WDR20: variants seen among roughly 807,000 people sequenced by gnomAD.
The protein encoded by WDR20 is WD repeat domain 20, also known as WD repeat-containing protein 20.
WDR20 carries 3 observed loss-of-function variants against 38.7 expected under a neutral mutation model. That is an observed-to-expected ratio of 0.08 (90% CI 0.04 to 0.20). WDR20 has a LOEUF of 0.20. WDR20 is among the 10% of genes least tolerant of loss of function. WDR20 has a pLI of 1.00. For missense variants in WDR20, 559 were observed against 727.7 expected, an observed-to-expected ratio of 0.77 and a Z score of 2.67; for synonymous variants, 298 against 285.6, an observed-to-expected ratio of 1.04 and a Z score of -0.44.
At chr14:102,159,997 G>A (rs1359412166) in intron 1 of WDR20, among the ~76,000 whole-genome samples, 1 of 152,220 alleles carries the variant, frequency 6.6e-6, no homozygotes, top group Admixed American at 6.5e-5. Context: ...CCTGCTACTT[G>A]GGAGGCTGAG....
At chr14:102,164,739 CCTT>C (rs768532875) in intron 1 of WDR20, among the ~76,000 whole-genome samples, 19 of 152,186 alleles carry the variant, frequency 1.2e-4, no homozygotes, top group Non-Finnish European at 2.6e-4. Context: ...TACTTCACCT[CCTT>C]TGCTAGTTCT....
intron 2 of WDR20, chr14:102,198,336 T>G (rs2059762120): frequency 3.3e-6 from 1 of 298,564 alleles, no homozygotes; most frequent in Non-Finnish European, 6.7e-6. Context: ...CAGGCTAGTC[T>G]GGAACTCCTG....
At chr14:102,199,546 A>G (rs1252974424) in intron 2 of WDR20, among the ~76,000 whole-genome samples, 1 of 152,136 alleles carries the variant, frequency 6.6e-6, no homozygotes, top group African/African-American at 2.4e-5. Flanking sequence ...GCTGGTCACA[A>G]TTACAGCAAT....
chr14:102,147,844 C>T (rs542788992), intron 1 of WDR20, among the ~76,000 whole-genome samples: 2 of 152,304 alleles, frequency 1.3e-5, no homozygotes, highest in African/African-American at 4.8e-5. Context: ...CATTCGCAGG[C>T]CTCAGCCTCC....
chr14:102,223,001 C>A, exon 4 of WDR20: 3 of 1,252,464 alleles, frequency 2.4e-6, no homozygotes, highest in South Asian at 2.5e-5. Context: ...TGGACGTCGG[C>A]GATAGCCGTG....
At chr14:102,200,359 GTCC>G (rs2060087038) in intron 2 of WDR20, among the ~76,000 whole-genome samples, 1 of 152,160 alleles carries the variant, frequency 6.6e-6, no homozygotes, top group South Asian at 2.1e-4. Flanking sequence ...CGTGGAGCGT[GTCC>G]TCATCATCAG....
rs115317754 is a variant in WDR20 at position 102,189,292 on chromosome 14, G to A, written c.250-5646G>A. On this transcript the variant is annotated intron_variant, in intron 1 of 2. Transcript: ENST00000342702. ...ATTTAAAAATGTTTACTTACTGATC[G>A]AGGCTTTGGTAACTAGTTGTTTCTT... 4.6e-3 allele frequency among the ~76,000 whole-genome samples: 694 copies of A among 152,250 alleles called. 6 individuals are homozygous for A. Among genetic ancestry groups the A allele is most frequent in the African/African-American group, 0.015 (642 of 41,538 alleles).
At chr14:102,153,231 T>C (rs115271821) in intron 1 of WDR20, among the ~76,000 whole-genome samples, 2,065 of 151,956 alleles carry the variant, frequency 0.014, 55 homozygotes, top group African/African-American at 0.047. Flanking sequence ...TCTTGAGGCC[T>C]CACTAGAAGC....
chr14:102,209,772 G>A lies in WDR20; in HGVS notation c.1602G>A (p.Glu534=), dbSNP rs1445222010. Residue 534 remains glutamate (E), a synonymous_variant, in exon 3 of 3, where the codon GAG becomes GAA. Transcript: ENST00000342702. This position sits in a 1 kb window ranked among gnomAD's most constrained non-coding sequence, Gnocchi z 6.0. ...EPLICKKIAH[E]RLTVLIFLED... ...TGATATGTAAAAAGATAGCACATGA[G>A]AGACTGACTGTACTAATATTTCTTG... is the stretch of plus-strand genomic sequence containing the variant. The A allele has an allele frequency of 6.2e-7, 1 of 1,613,966 alleles. No homozygotes were observed. Among genetic ancestry groups the A allele is most frequent in the Non-Finnish European group, 8.5e-7 (1 of 1,180,040 alleles).
chr14:102,208,953 C>T lies in WDR20; in HGVS notation c.783C>T (p.Tyr261=), dbSNP rs1405310587. The change falls in exon 3 of 3, where the codon TAC becomes TAT. Residue 261 remains tyrosine (Y), a synonymous_variant. Transcript: ENST00000342702. The surrounding 1 kb of genome is among the most constrained non-coding windows in gnomAD (Gnocchi z 5.6). ...SVELHGTMKS[Y]FGGLLCVCWS... is the part of the protein sequence containing the mutation. ...AGCTGCACGGTACGATGAAAAGCTA[C>T]TTTGGGGGCTTGCTGTGTGTGTGCT... is the stretch of plus-strand genomic sequence containing the variant. 6.2e-7 allele frequency: 1 copy of T among 1,614,082 alleles called. No individual in the cohort carries two copies. Among genetic ancestry groups the T allele is most frequent in the Non-Finnish European group, 8.5e-7 (1 of 1,180,048 alleles).
chr14:102,201,093 A>C (rs2060311451), intron 2 of WDR20, among the ~76,000 whole-genome samples: 1 of 152,228 alleles, frequency 6.6e-6, no homozygotes, highest in African/African-American at 2.4e-5. Context: ...CTACTCCTTA[A>C]AGCTTGAACA....
intron 1 of WDR20, among the ~76,000 whole-genome samples, chr14:102,165,351 A>G (rs1431419108): frequency 1.3e-5 from 2 of 152,190 alleles, no homozygotes; most frequent in African/African-American, 4.8e-5. Context: ...GAGTTTGTCA[A>G]TTAAAATTTT....
At position 102,222,726 on chromosome 14, in the gene WDR20, A is replaced by C; in HGVS notation, c.1693-104A>C. On this transcript the variant is annotated intron_variant, in intron 3 of 3. Coordinates refer to the WDR20 transcript ENST00000335263. The surrounding 1 kb of genome is among the most constrained non-coding windows in gnomAD (Gnocchi z 4.4). ...TGCTCCCACACTGGCTTCCACATCA[A>C]CAGCACCAGTTTTGACCACGTGGAG... The C allele has an allele frequency of 8.1e-7, 1 of 1,237,874 alleles. No individual in the cohort carries two copies. The highest frequency in any genetic ancestry group is 1.2e-6 in the Non-Finnish European group (1 of 843,282). The allele number at this position is 1,237,874 out of a possible 1,614,324, so 76.7% of individuals were successfully genotyped here. A position where few individuals can be genotyped will look rare whatever the true frequency, so the allele number is the denominator to read the frequency against.
downstream of WDR20, among the ~76,000 whole-genome samples, chr14:102,210,823 C>G (rs193060126): frequency 2.3e-3 from 344 of 152,308 alleles, 1 homozygote; most frequent in Non-Finnish European, 3.3e-3. Flanking sequence ...TGAGACTCCC[C>G]GAGTCTTCCG....
intron 1 of WDR20, among the ~76,000 whole-genome samples, chr14:102,183,041 G>A (rs530929996): frequency 3.9e-5 from 6 of 152,088 alleles, no homozygotes; most frequent in African/African-American, 1.4e-4. Context: ...TCCAGCCTGG[G>A]CAACAGAGCT....
At chr14:102,172,915 C>A (rs1209260455) in intron 1 of WDR20, among the ~76,000 whole-genome samples, 1 of 149,492 alleles carries the variant, frequency 6.7e-6, no homozygotes, top group East Asian at 2.0e-4. Context: ...GGCAGCGACG[C>A]TCCTCACCTC....
chr14:102,173,443 ATTATTATTATTAT>A (rs2061401455), intron 1 of WDR20, among the ~76,000 whole-genome samples: 2 of 7,416 alleles, frequency 2.7e-4, no homozygotes, highest in Non-Finnish European at 3.0e-3. Flanking sequence ...AATTATTATT[ATTATTATTATTAT>A]TATTATTATT....
At chr14:102,143,779 G>A (rs920860541) in intron 1 of WDR20, among the ~76,000 whole-genome samples, 3 of 151,716 alleles carry the variant, frequency 2.0e-5, no homozygotes, top group Non-Finnish European at 2.9e-5. Flanking sequence ...TCCTGACCTC[G>A]TGATCCACCC....
intron 2 of WDR20, among the ~76,000 whole-genome samples, chr14:102,202,891 G>T (rs1271326151): frequency 2.6e-5 from 4 of 152,136 alleles, no homozygotes; most frequent in Non-Finnish European, 5.9e-5. Flanking sequence ...GCCAATTTCT[G>T]TGACATTCGT....
Sources: allele counts gnomAD v4.1 joint callset (sites outside exome capture counted in the v4.1 genomes callset), GRCh38; gene constraint gnomAD v4.1.1; non-coding constraint Gnocchi (gnomAD v3.1); transcripts MANE v1.5; gene names NCBI Gene and HGNC (gene_info 2026-07-23, HGNC 2026-07-21).